Variants in PDE1C observed in about 807,000 individuals in gnomAD.
The protein encoded by PDE1C is dual specificity calcium/calmodulin-dependent 3',5'-cyclic nucleotide phosphodiesterase 1C.
A neutral mutation model predicts 93.1 loss-of-function variants in PDE1C; 62 were observed. The ratio of observed to expected loss-of-function variants is 0.67; its 90% confidence interval spans 0.54 to 0.82. PDE1C has a LOEUF of 0.82. Ranked by LOEUF, PDE1C falls within the 40% of genes least tolerant of loss-of-function variation. PDE1C has a pLI of 0.00. For missense variants in PDE1C, 742 were observed against 884.6 expected (o/e 0.84, Z 2.04); for synonymous variants, 325 against 310.1 (o/e 1.05, Z -0.50).
the PDE1C span, chr7:31,642,401 G>C: frequency 1.5e-6 from 1 of 676,126 alleles, no homozygotes; most frequent in Non-Finnish European, 2.5e-6. Flanking sequence ...GAAAGGTTGA[G>C]AAGGCACAAG....
At chr7:32,121,974 C>G (rs1002434432) in intron 3 of PDE1C, among the ~76,000 whole-genome samples, 22 of 152,098 alleles carry the variant, frequency 1.4e-4, no homozygotes, top group Admixed American at 1.4e-3. Context: ...TTCAAGAGAC[C>G]CATTTCATGT....
chr7:31,706,284 C>T, the PDE1C span, among the ~76,000 whole-genome samples: 1 of 152,036 alleles, frequency 6.6e-6, no homozygotes, highest in South Asian at 2.1e-4. Context: ...GGATTATAGG[C>T]ATGAGCCACC....
intron 1 of PDE1C, among the ~76,000 whole-genome samples, chr7:32,341,223 T>TGC: frequency 9.1e-6 from 1 of 110,270 alleles, no homozygotes; most frequent in Non-Finnish European, 1.7e-5. Context: ...TCGCCCAGGC[T>TGC]GGAGTGCAGT....
chr7:31,724,360 G>A, the PDE1C span, among the ~76,000 whole-genome samples: 1 of 152,126 alleles, frequency 6.6e-6, no homozygotes. Context: ...CTCACCTCTT[G>A]ATGACAACTT....
chr7:31,755,603 C>A (rs1036917574), intron 17 of PDE1C, among the ~76,000 whole-genome samples: 1 of 151,598 alleles, frequency 6.6e-6, no homozygotes, highest in Non-Finnish European at 1.5e-5. Flanking sequence ...AAACAAAAAA[C>A]AAATACAACA....
intron 1 of PDE1C, among the ~76,000 whole-genome samples, chr7:32,286,201 G>A (rs1349427025): frequency 3.9e-5 from 6 of 152,276 alleles, no homozygotes; most frequent in Admixed American, 3.3e-4. Context: ...GATGTTAAGA[G>A]GAGATGATAG....
rs185820754 is a variant in PDE1C, at chr7:32,157,784, G to A, written c.308+12001C>T. 1.4e-3 allele frequency among the ~76,000 whole-genome samples: 211 copies of A among 152,280 alleles called. 1 individual carries two copies. Among genetic ancestry groups the A allele is most frequent in the Middle Eastern group, 6.8e-3 (2 of 294 alleles). On this transcript the variant is annotated intron_variant, in intron 3 of 18. Transcript: ENST00000396193. ...GATAGATAGATGATAAACCTAAAGC[G>A]AATGTAGCAAAAGGCTAAAAGGTGA...
intron 2 of PDE1C, among the ~76,000 whole-genome samples, chr7:32,031,591 G>A (rs1790332167): frequency 6.6e-6 from 1 of 152,132 alleles, no homozygotes; most frequent in South Asian, 2.1e-4. Flanking sequence ...TAAAGATCTT[G>A]GCCACGTTGC....
At chr7:32,235,993 A>T (rs984320899) in intron 1 of PDE1C, among the ~76,000 whole-genome samples, 1 of 152,100 alleles carries the variant, frequency 6.6e-6, no homozygotes, top group Non-Finnish European at 1.5e-5. Flanking sequence ...ACTTACACAA[A>T]TATGGCCAAT....
chr7:31,759,586 C>A (rs73313105), intron 17 of PDE1C, among the ~76,000 whole-genome samples: 3,673 of 152,254 alleles, frequency 0.024, 145 homozygotes, highest in African/African-American at 0.083. Flanking sequence ...AAGATTGTGA[C>A]AAAGGCACAT....
the PDE1C span, among the ~76,000 whole-genome samples, chr7:31,725,079 G>C: frequency 1.3e-5 from 2 of 152,118 alleles, no homozygotes; most frequent in Non-Finnish European, 2.9e-5. Flanking sequence ...GACTTGTCTG[G>C]GAAAAGTGTA....
intron 3 of PDE1C, among the ~76,000 whole-genome samples, chr7:32,108,230 C>CAAAAAAAAAAAAAAAAAAAAA (rs71559210): frequency 1.3e-5 from 1 of 77,056 alleles, no homozygotes; most frequent in East Asian, 3.4e-4. Context: ...AAAAGCAAGA[C>CAAAAAAAAAAAAAAAAAAAAA]AAAAAAAAAA....
intron 1 of PDE1C, among the ~76,000 whole-genome samples, chr7:32,274,343 G>A (rs1811152334): frequency 6.7e-6 from 1 of 149,618 alleles, no homozygotes; most frequent in Admixed American, 6.7e-5. Flanking sequence ...CAGTAGCTGG[G>A]ACCACAGGTG....
In PDE1C at chr7:31,964,026, G is replaced by A. The variant is rs556521745; in HGVS notation, c.129-83166C>T. Among the ~76,000 whole-genome samples the A allele has an allele frequency of 3.3e-5, 5 of 152,236 alleles. No homozygotes were observed. The East Asian group carries it at 9.6e-4, about 29-fold the overall frequency. On this transcript the variant is annotated intron_variant, in intron 2 of 17. Transcript: ENST00000396191. ...CTGGGAGCTATCTACAGCTCCCAGTGTGAGCGATAAAGAAGACGGGTGATT... is the reference window on the plus strand; with the variant it reads ...CTGGGAGCTATCTACAGCTCCCAGTATGAGCGATAAAGAAGACGGGTGATT...
At chr7:31,765,420 A>G (rs911970772) in intron 17 of PDE1C, among the ~76,000 whole-genome samples, 3 of 152,120 alleles carry the variant, frequency 2.0e-5, no homozygotes, top group Non-Finnish European at 4.4e-5. Context: ...TCAATGGAGA[A>G]TCATATTTTG....
chr7:31,724,687 A>T, the PDE1C span, among the ~76,000 whole-genome samples: 1 of 152,246 alleles, frequency 6.6e-6, no homozygotes, highest in Non-Finnish European at 1.5e-5. Flanking sequence ...GACAGGAAAT[A>T]GCAGCTCTAA....
chr7:31,973,048 A>AGTG, intron 2 of PDE1C, among the ~76,000 whole-genome samples: 1 of 152,212 alleles, frequency 6.6e-6, no homozygotes, highest in East Asian at 1.9e-4. Flanking sequence ...TCCTCTACCC[A>AGTG]GTGGTACTAG....
chr7:32,006,240 T>C (rs1414095934), intron 2 of PDE1C, among the ~76,000 whole-genome samples: 1 of 152,148 alleles, frequency 6.6e-6, no homozygotes, highest in African/African-American at 2.4e-5. Flanking sequence ...TCTCCTCTTG[T>C]TTTTTTGGCA....
At chr7:31,670,338 A>G in the PDE1C span, among the ~76,000 whole-genome samples, 1 of 152,180 alleles carries the variant, frequency 6.6e-6, no homozygotes, top group Non-Finnish European at 1.5e-5. Flanking sequence ...TAGACTTTCA[A>G]ATTGGAGTTG....
Sources: gnomAD v4.1 joint callset for allele counts (sites outside exome capture counted in the v4.1 genomes callset) on GRCh38, gnomAD v4.1.1 for gene constraint, MANE v1.5 for transcripts, NCBI Gene and HGNC (gene_info 2026-07-23, HGNC 2026-07-21) for gene names.